The following TEX11 variants were observed in gnomAD, a reference collection of about 807,000 sequenced individuals.
TEX11 encodes testis-expressed protein 11.
TEX11 carries 7 observed loss-of-function variants against 84.4 expected under a neutral mutation model. The observed-to-expected ratio is 0.08, with a 90% confidence interval of 0.05 to 0.16. The LOEUF (loss-of-function observed/expected upper bound fraction) is 0.16. Ranked by LOEUF, TEX11 falls within the 10% of genes least tolerant of loss-of-function variation. The pLI is 1.00. For synonymous variants in TEX11, 264 were observed against 222.8 expected (o/e 1.18, Z -1.64); for missense variants, 551 against 660.5 (o/e 0.83, Z 1.82).
At chrX:70,686,723 C>T (rs1418533421) in intron 13 of TEX11, among the ~76,000 whole-genome samples, 2 of 110,427 alleles carry the variant, frequency 1.8e-5, no homozygotes, top group African/African-American at 6.6e-5. Context: ...TACAGAATGC[C>T]CCAGTAAAAT....
At chrX:70,864,572 C>A (rs909015549) in intron 4 of TEX11, among the ~76,000 whole-genome samples, 4 of 105,760 alleles carry the variant, frequency 3.8e-5, no homozygotes, top group African/African-American at 1.4e-4. Flanking sequence ...CCTTTCTATA[C>A]TAAAAATACA....
intron 7 of TEX11, among the ~76,000 whole-genome samples, chrX:70,841,026 T>C (rs1434946975): frequency 9.0e-6 from 1 of 110,656 alleles, no homozygotes; most frequent in Non-Finnish European, 1.9e-5. Context: ...CACACAATAA[T>C]AATGGGAGAC....
intron 2 of TEX11, among the ~76,000 whole-genome samples, chrX:70,887,328 T>C (rs1261227065): frequency 9.0e-6 from 1 of 111,620 alleles, no homozygotes; most frequent in East Asian, 2.8e-4. Context: ...CTAACCTGGG[T>C]CAGAGAAGAG....
At chrX:70,730,868 C>T (rs888352096) in intron 11 of TEX11, among the ~76,000 whole-genome samples, 2 of 111,831 alleles carry the variant, frequency 1.8e-5, no homozygotes, top group African/African-American at 3.3e-5. Context: ...CTGCACCACA[C>T]CACACCTATT....
intron 8 of TEX11, among the ~76,000 whole-genome samples, chrX:70,830,000 A>G (rs2091368559): frequency 9.0e-6 from 1 of 111,060 alleles, no homozygotes; most frequent in East Asian, 2.8e-4. Flanking sequence ...GGCAGGAGTA[A>G]GTCTTTACTT....
At chrX:70,598,213 T>C (rs1483389713) in intron 24 of TEX11, among the ~76,000 whole-genome samples, 2 of 112,093 alleles carry the variant, frequency 1.8e-5, no homozygotes, top group Non-Finnish European at 3.8e-5. Context: ...AAGATTTCAA[T>C]AGATATTTTC....
intron 16 of TEX11, among the ~76,000 whole-genome samples, chrX:70,663,246 T>C (rs2089946896): frequency 9.0e-6 from 1 of 111,472 alleles, no homozygotes; most frequent in Non-Finnish European, 1.9e-5. Flanking sequence ...CATTCAGTCT[T>C]TACTTAAATA....
chrX:70,668,222 TTATTGAC>T (rs1569391474), intron 16 of TEX11, among the ~76,000 whole-genome samples: 1 of 112,221 alleles, frequency 8.9e-6, no homozygotes, highest in African/African-American at 3.2e-5. Context: ...AGAGTCAGTA[TTATTGAC>T]TACCTAGCTG....
chrX:70,554,926 C>A, intron 25 of TEX11, 126 bp from the exon 26 acceptor site: 1 of 604,497 alleles, frequency 1.7e-6, no homozygotes. Context: ...ATTTGAAGGT[C>A]ATCTTCACTG....
chrX:70,851,700 C>CACAG (rs1470894527), intron 7 of TEX11, among the ~76,000 whole-genome samples: 2 of 109,442 alleles, frequency 1.8e-5, no homozygotes, highest in Non-Finnish European at 3.8e-5. Flanking sequence ...CACACACACA[C>CACAG]AGAGTAAATG....
intron 25 of TEX11, among the ~76,000 whole-genome samples, chrX:70,569,040 C>T (rs1167017712): frequency 8.9e-6 from 1 of 112,076 alleles, no homozygotes; most frequent in African/African-American, 3.2e-5. Context: ...CCTTCAGGTA[C>T]ACCAATCAGA....
At chrX:70,626,056 G>T in intron 18 of TEX11, among the ~76,000 whole-genome samples, 1 of 110,952 alleles carries the variant, frequency 9.0e-6, no homozygotes, top group East Asian at 2.8e-4. Context: ...CATATTTTCC[G>T]CATTTTCAAT....
At chrX:70,578,105 G>T (rs1396542763) in intron 25 of TEX11, among the ~76,000 whole-genome samples, 1 of 112,287 alleles carries the variant, frequency 8.9e-6, no homozygotes, top group Non-Finnish European at 1.9e-5. Context: ...TGTTACTGGA[G>T]AAATGTAACT....
At chrX:70,517,730 C>T in the TEX11 span, among the ~76,000 whole-genome samples, 1 of 111,075 alleles carries the variant, frequency 9.0e-6, no homozygotes, top group Non-Finnish European at 1.9e-5. Flanking sequence ...TCATAGAATT[C>T]GGCTGTGAAT....
At chrX:70,709,870 G>T (rs2090411074) in intron 13 of TEX11, among the ~76,000 whole-genome samples, 1 of 110,862 alleles carries the variant, frequency 9.0e-6, no homozygotes, top group Non-Finnish European at 1.9e-5. Context: ...GACTTCCAAG[G>T]ATTCTGATCT....
In TEX11 at chrX:70,725,282, G is replaced by C. The variant is rs778845628; in HGVS notation, c.905C>G (p.Ser302Cys). The part of the protein sequence containing the change: ...KMKILLKGET[S>C]NEELLEAVME... Reference sequence around the variant, plus strand: ...CATACCTTCAAGGAGTTCTTCATTAGATGTTTCGCCTTTCAAGAGGATTTT... The same window carrying C: ...CATACCTTCAAGGAGTTCTTCATTACATGTTTCGCCTTTCAAGAGGATTTT... Residue 302 changes from serine (S) to cysteine (C), a missense_variant, in exon 12 of 30, where the codon TCT (serine) becomes TGT (cysteine). Coordinates refer to ENST00000374333, the MANE Select transcript of TEX11 (RefSeq NM_031276.3). 8.4e-7 allele frequency: 1 copy of C among 1,197,389 alleles called. No homozygotes were observed. Among genetic ancestry groups the C allele is most frequent in the South Asian group, 1.8e-5 (1 of 54,581 alleles).
At chrX:70,583,217 T>C (rs1300203885) in intron 25 of TEX11, among the ~76,000 whole-genome samples, 1 of 111,283 alleles carries the variant, frequency 9.0e-6, no homozygotes, top group Non-Finnish European at 1.9e-5. Flanking sequence ...ATAATGTACA[T>C]TGTACCTATT....
chrX:70,734,208 A>G, intron 11 of TEX11, among the ~76,000 whole-genome samples: 2 of 110,509 alleles, frequency 1.8e-5, no homozygotes, highest in East Asian at 5.7e-4. Flanking sequence ...ATGTTAAATG[A>G]CGAGTTAATG....
chrX:70,525,902 C>G (rs1409328351), downstream of TEX11, among the ~76,000 whole-genome samples: 1 of 111,677 alleles, frequency 9.0e-6, no homozygotes, highest in African/African-American at 3.3e-5. Context: ...GGTGAGTCAA[C>G]AACATGAAGG....
Sources: allele counts gnomAD v4.1 joint callset (sites outside exome capture counted in the v4.1 genomes callset), GRCh38; gene constraint gnomAD v4.1.1; transcripts MANE v1.5; gene names NCBI Gene and HGNC (gene_info 2026-07-23, HGNC 2026-07-21).